Variants in PGAP4 observed in about 807,000 individuals in gnomAD.
The protein encoded by PGAP4 is GPI-N-acetylgalactosamine transferase PGAP4.
In PGAP4, 12 loss-of-function variants were observed where a neutral mutation model predicts 28.2. The observed-to-expected ratio is 0.42, with a 90% CI of 0.27 to 0.69. PGAP4 has a LOEUF of 0.69. Ranked by LOEUF, PGAP4 falls within the 30% of genes least tolerant of loss-of-function variation. The probability of loss-of-function intolerance (pLI) is 0.22; values close to 1 mark genes in which losing one functional copy is unlikely to be tolerated. For missense variants in PGAP4, 425 were observed against 513.5 expected (o/e 0.83, Z 1.67); for synonymous variants, 205 against 211.8 (o/e 0.97, Z 0.28).
In PGAP4 at chr9:101,477,117, G is replaced by A. The variant is rs1564091745; in HGVS notation, c.-25C>T. On this transcript the variant is annotated 5_prime_UTR_variant, in exon 2 of 2. Coordinates refer to ENST00000374848, the MANE Select transcript of PGAP4 (RefSeq NM_032342.3). The stretch of plus-strand genomic sequence containing the variant: ...TGAGGTCAACTTTTGTTCATGTCTG[G>A]TCCCAAGAAAAAACCATCCTGGAAC... The A allele has an allele frequency of 6.5e-7, 1 of 1,527,594 alleles. No homozygotes were observed. The highest frequency in any genetic ancestry group is 8.8e-7 in the Non-Finnish European group (1 of 1,141,116). The allele number at this position is 1,527,594 out of a possible 1,614,324, so 94.6% of individuals were successfully genotyped here.
intron 1 of PGAP4, among the ~76,000 whole-genome samples, chr9:101,477,442 G>A (rs1180107847): frequency 1.3e-5 from 2 of 152,072 alleles, no homozygotes; most frequent in Admixed American, 6.5e-5. Flanking sequence ...AAGATACTTA[G>A]TTAGGTTTAC....
At chr9:101,507,630 C>CT (rs1432467458) in intron 2 of PGAP4, among the ~76,000 whole-genome samples, 1 of 152,132 alleles carries the variant, frequency 6.6e-6, no homozygotes, top group Non-Finnish European at 1.5e-5. Flanking sequence ...AATAACAAAG[C>CT]TCCCCTGCTT....
chr9:101,499,930 CA>C (rs1826782917), intron 2 of PGAP4, among the ~76,000 whole-genome samples: 2 of 151,920 alleles, frequency 1.3e-5, no homozygotes, highest in Admixed American at 6.6e-5. Context: ...ACATTATATA[CA>C]ACCCTAATTT....
At position 101,476,040 on chromosome 9, in the gene PGAP4, C is replaced by T. The variant is rs374246032; in HGVS notation, c.1053G>A (p.Leu351=). 2 of 1,614,040 alleles carry T rather than the reference C, an allele frequency of 1.2e-6. No homozygotes were observed. The highest frequency in any genetic ancestry group is 2.7e-5 in the African/African-American group (2 of 74,918). The stretch of plus-strand genomic sequence containing the variant: ...AGCCCTTGTGGCAGTACACTTGGGA[C>T]AGGTAGGTGAGGGTCCGGCGGGCCG... The part of the protein sequence containing the change: ...APAARRTLTY[L]SQVYCHKGFG... Residue 351 remains leucine (L), a synonymous_variant, in exon 2 of 2, where the codon CTG becomes CTA. Coordinates refer to ENST00000374848, the MANE Select transcript of PGAP4 (RefSeq NM_032342.3). This position sits in a 1 kb window ranked among gnomAD's most constrained non-coding sequence, Gnocchi z 7.0.
At chr9:101,494,843 C>T (rs1826724158) in intron 2 of PGAP4, among the ~76,000 whole-genome samples, 1 of 151,028 alleles carries the variant, frequency 6.6e-6, no homozygotes, top group South Asian at 2.1e-4. Flanking sequence ...TTTAAGATAA[C>T]CAGAATCAGG....
At chr9:101,494,571 TA>T (rs1198322328) in intron 2 of PGAP4, among the ~76,000 whole-genome samples, 1 of 151,918 alleles carries the variant, frequency 6.6e-6, no homozygotes, top group Non-Finnish European at 1.5e-5. Context: ...AGTAGTTTTG[TA>T]AGTCCATTAG....
intron 2 of PGAP4, among the ~76,000 whole-genome samples, chr9:101,529,889 A>C (rs78701032): frequency 0.012 from 1,841 of 152,346 alleles, 35 homozygotes; most frequent in African/African-American, 0.041. Context: ...ATTTTCAGAG[A>C]GCTTTCCCCC....
chr9:101,513,483 TAAC>T (rs1826915897), intron 2 of PGAP4, among the ~76,000 whole-genome samples: 1 of 152,186 alleles, frequency 6.6e-6, no homozygotes, highest in South Asian at 2.1e-4. Flanking sequence ...CTTGAATTTT[TAAC>T]AAAAGAACAT....
chr9:101,482,409 C>A (rs545377265), intron 1 of PGAP4, among the ~76,000 whole-genome samples: 165 of 152,308 alleles, frequency 1.1e-3, no homozygotes, highest in African/African-American at 3.7e-3. Context: ...TATGCCACTG[C>A]ACTCCAGCCT....
upstream of PGAP4, among the ~76,000 whole-genome samples, chr9:101,488,385 C>T (rs1328054635): frequency 2.6e-5 from 4 of 152,154 alleles, no homozygotes; most frequent in South Asian, 4.1e-4. Flanking sequence ...GTAACCAACA[C>T]AAGTTGAATT....
At chr9:101,501,090 T>A (rs1454124281) in intron 2 of PGAP4, among the ~76,000 whole-genome samples, 3 of 152,134 alleles carry the variant, frequency 2.0e-5, no homozygotes, top group Non-Finnish European at 4.4e-5. Context: ...ATTTGCTTTA[T>A]GTGAAATAGA....
At chr9:101,506,635 C>T (rs1826851035) in intron 2 of PGAP4, among the ~76,000 whole-genome samples, 1 of 152,008 alleles carries the variant, frequency 6.6e-6, no homozygotes, top group Admixed American at 6.6e-5. Flanking sequence ...TACAAAATGC[C>T]CCTGACTTAA....
At chr9:101,514,554 G>A (rs1405219540) in intron 2 of PGAP4, among the ~76,000 whole-genome samples, 1 of 152,142 alleles carries the variant, frequency 6.6e-6, no homozygotes, top group African/African-American at 2.4e-5. Context: ...CTGTGTGCGT[G>A]TGTGTGCATG....
At chr9:101,533,306 T>G (rs117483823) in exon 1 of PGAP4, 2 of 152,294 alleles carry the variant, frequency 1.3e-5, no homozygotes, top group Non-Finnish European at 2.9e-5. Context: ...AAAAAAGCTT[T>G]TGTCCAGGCC....
chr9:101,480,120 C>A (rs530501179), intron 1 of PGAP4, among the ~76,000 whole-genome samples: 1 of 152,214 alleles, frequency 6.6e-6, no homozygotes, highest in African/African-American at 2.4e-5. Flanking sequence ...AATCTGCTCA[C>A]GGAGTATGGA....
intron 2 of PGAP4, among the ~76,000 whole-genome samples, chr9:101,502,995 C>A (rs1212795897): frequency 2.0e-5 from 3 of 151,976 alleles, no homozygotes; most frequent in Non-Finnish European, 4.4e-5. Context: ...CACAAGATTG[C>A]CAGATGCCAA....
chr9:101,487,714 C>T (rs1388140335), upstream of PGAP4, among the ~76,000 whole-genome samples: 4 of 152,202 alleles, frequency 2.6e-5, no homozygotes, highest in African/African-American at 9.6e-5. Flanking sequence ...TTAGCAACTA[C>T]AGTTTGCTGC....
At chr9:101,526,001 A>G (rs1381235976) in intron 2 of PGAP4, among the ~76,000 whole-genome samples, 1 of 152,096 alleles carries the variant, frequency 6.6e-6, no homozygotes, top group African/African-American at 2.4e-5. Context: ...AACCTGGAAT[A>G]GCTGAATCAT....
Position 101,475,967 on chromosome 9 carries a change from T to C in PGAP4, c.1126A>G (p.Arg376Gly). Residue 376 changes from arginine to glycine, a missense_variant, in exon 2 of 2, where the codon AGG (arginine) becomes GGG (glycine). Coordinates refer to ENST00000374848, the MANE Select transcript of PGAP4 (RefSeq NM_032342.3). ...AGGTTCGGCTCCACTACATAGGCCC[T>C]CTCTCCCTTGGCCCTCAACAGCGAG... ...LYSLLRAKGE[R>G]AYVVEPNLVK... The C allele has an allele frequency of 1.2e-6, 2 of 1,614,186 alleles. No homozygotes were observed. The highest frequency in any genetic ancestry group is 1.7e-6 in the Non-Finnish European group (2 of 1,180,032).
Sources: allele counts gnomAD v4.1 joint callset (sites outside exome capture counted in the v4.1 genomes callset), GRCh38; gene constraint gnomAD v4.1.1; non-coding constraint Gnocchi (gnomAD v3.1); transcripts MANE v1.5; gene names NCBI Gene and HGNC (gene_info 2026-07-23, HGNC 2026-07-21).